ARHGEF3: variants seen among roughly 807,000 people sequenced by gnomAD.
ARHGEF3 encodes 59.8 kDA protein.
A neutral mutation model predicts 63.2 loss-of-function variants in ARHGEF3; 28 were observed. The observed-to-expected ratio is 0.44, with a 90% confidence interval of 0.33 to 0.61. ARHGEF3 has a LOEUF of 0.61. ARHGEF3 is among the 20% of genes least tolerant of loss of function. ARHGEF3 has a pLI of 0.03. For missense variants in ARHGEF3, 533 were observed against 659.3 expected, an observed-to-expected ratio of 0.81 and a Z score of 2.10; for synonymous variants, 266 against 254.2, an observed-to-expected ratio of 1.05 and a Z score of -0.44.
At chr3:56,901,695 C>T (rs889257592) in intron 3 of ARHGEF3, among the ~76,000 whole-genome samples, 1 of 151,760 alleles carries the variant, frequency 6.6e-6, no homozygotes, top group Non-Finnish European at 1.5e-5. Flanking sequence ...GTGATCCTTC[C>T]TCCTCAGCCT....
chr3:56,727,759 AAT>A lies in ARHGEF3; in HGVS notation c.*1509_*1510del, dbSNP rs1162732696. The A allele has an allele frequency of 1.3e-5, 2 of 152,536 alleles. No homozygotes were observed. Among genetic ancestry groups the A allele is most frequent in the African/African-American group, 2.4e-5 (1 of 41,456 alleles). The allele number at this position is 152,536 out of a possible 1,614,324, so 9.4% of individuals were successfully genotyped here. On this transcript the variant is annotated 3_prime_UTR_variant, in exon 10 of 10. Transcript: ENST00000296315. The stretch of plus-strand genomic sequence containing the variant: ...CATGTTTAAGACCTATAAATACAGA[AAT>A]ATGTTTTACAGGGTAAAATTGATCA...
intron 4 of ARHGEF3, among the ~76,000 whole-genome samples, chr3:56,858,615 G>A (rs2039965013): frequency 6.6e-6 from 1 of 152,178 alleles, no homozygotes; most frequent in African/African-American, 2.4e-5. Flanking sequence ...AAGCACTTGC[G>A]GGGAGGGCAA....
intron 1 of ARHGEF3, among the ~76,000 whole-genome samples, chr3:57,058,409 G>C (rs1454628151): frequency 6.6e-6 from 1 of 152,034 alleles, no homozygotes; most frequent in Admixed American, 6.6e-5. Flanking sequence ...GTACCCAATG[G>C]GTTTGTTTCA....
chr3:56,905,418 C>A (rs1438553434), intron 3 of ARHGEF3, among the ~76,000 whole-genome samples: 1 of 152,184 alleles, frequency 6.6e-6, no homozygotes, highest in Non-Finnish European at 1.5e-5. Flanking sequence ...ATGAAATAAT[C>A]AATTTTTTTC....
chr3:57,013,916 A>C (rs998477766), intron 2 of ARHGEF3, among the ~76,000 whole-genome samples: 6 of 152,236 alleles, frequency 3.9e-5, no homozygotes, highest in South Asian at 2.1e-4. Flanking sequence ...TGCCGGAGCC[A>C]GCAGCGGCAA....
chr3:56,764,957 A>G (rs1392756929), intron 2 of ARHGEF3, among the ~76,000 whole-genome samples: 3 of 151,964 alleles, frequency 2.0e-5, no homozygotes, highest in Non-Finnish European at 2.9e-5. Flanking sequence ...GGGTTTCACC[A>G]TCTTGCCCAG....
chr3:57,074,262 CT>C, intron 1 of ARHGEF3: 1 of 1,607,166 alleles, frequency 6.2e-7, no homozygotes, highest in Non-Finnish European at 8.5e-7. Context: ...ACACACACAT[CT>C]GTAATCAATA....
intron 4 of ARHGEF3, among the ~76,000 whole-genome samples, chr3:56,851,120 C>T (rs1339243489): frequency 1.3e-5 from 2 of 151,940 alleles, no homozygotes; most frequent in Non-Finnish European, 2.9e-5. Context: ...TACATGTGTC[C>T]CCCATATCCT....
chr3:56,999,469 C>A (rs1357560953), intron 2 of ARHGEF3, among the ~76,000 whole-genome samples: 1 of 152,134 alleles, frequency 6.6e-6, no homozygotes, highest in Non-Finnish European at 1.5e-5. Flanking sequence ...GTCTTAATTC[C>A]AAATATAACC....
intron 3 of ARHGEF3, among the ~76,000 whole-genome samples, chr3:56,928,119 T>C (rs146202805): frequency 6.6e-6 from 1 of 152,190 alleles, no homozygotes; most frequent in East Asian, 1.9e-4. Flanking sequence ...AACCAACATG[T>C]GTGCTGGAAT....
chr3:57,064,982 T>C (rs1443527087), intron 1 of ARHGEF3, among the ~76,000 whole-genome samples: 1 of 152,230 alleles, frequency 6.6e-6, no homozygotes, highest in Admixed American at 6.5e-5. Flanking sequence ...GGCAAAAAAT[T>C]AGTAAGTCCA....
At chr3:56,789,374 G>A (rs2036972083) in intron 1 of ARHGEF3, among the ~76,000 whole-genome samples, 1 of 152,158 alleles carries the variant, frequency 6.6e-6, no homozygotes, top group Admixed American at 6.5e-5. Flanking sequence ...ATTTTAGCTG[G>A]CACTTTGGCA....
intron 4 of ARHGEF3, among the ~76,000 whole-genome samples, chr3:56,809,695 A>T (rs1486985508): frequency 6.6e-6 from 1 of 152,022 alleles, no homozygotes; most frequent in Non-Finnish European, 1.5e-5. Context: ...GGATTCAATA[A>T]ATATGTTATA....
intron 4 of ARHGEF3, among the ~76,000 whole-genome samples, chr3:56,811,278 C>G (rs986701350): frequency 4.0e-5 from 6 of 150,664 alleles, no homozygotes; most frequent in African/African-American, 1.5e-4. Flanking sequence ...GGCATGACAG[C>G]ATTTACGTTT....
chr3:56,968,036 T>A (rs1396296547), intron 2 of ARHGEF3, among the ~76,000 whole-genome samples: 5 of 11,820 alleles, frequency 4.2e-4, no homozygotes, highest in Non-Finnish European at 6.0e-4. Context: ...ATATTTAATA[T>A]ATATAAAATA....
intron 6 of ARHGEF3, among the ~76,000 whole-genome samples, chr3:56,747,435 G>A (rs371950557): frequency 2.4e-4 from 37 of 152,284 alleles, no homozygotes; most frequent in African/African-American, 7.7e-4. Context: ...TTCAGTCACC[G>A]GCTAGGAGAG....
At chr3:56,943,441 C>A (rs988183631) in intron 3 of ARHGEF3, among the ~76,000 whole-genome samples, 1 of 152,072 alleles carries the variant, frequency 6.6e-6, no homozygotes, top group Non-Finnish European at 1.5e-5. Context: ...ACTTACCGCT[C>A]AGAAAAAAAG....
chr3:56,837,683 A>G (rs577153673), intron 4 of ARHGEF3, among the ~76,000 whole-genome samples: 25 of 152,338 alleles, frequency 1.6e-4, no homozygotes, highest in African/African-American at 5.5e-4. Context: ...TGAGGTCACA[A>G]TAAACTGCGG....
chr3:56,876,021 G>A (rs2040574605), intron 4 of ARHGEF3, among the ~76,000 whole-genome samples: 1 of 152,176 alleles, frequency 6.6e-6, no homozygotes, highest in Non-Finnish European at 1.5e-5. Flanking sequence ...TCTTAGAGGA[G>A]AGCTAGATAT....
Sources: allele counts gnomAD v4.1 joint callset (sites outside exome capture counted in the v4.1 genomes callset), GRCh38; gene constraint gnomAD v4.1.1; transcripts MANE v1.5; gene names NCBI Gene and HGNC (gene_info 2026-07-23, HGNC 2026-07-21).